HYCC2: variants seen among roughly 807,000 people sequenced by gnomAD.
HYCC2 encodes the protein hyccin 2.
the HYCC2 span, among the ~76,000 whole-genome samples, chr2:201,013,277 A>G: frequency 6.6e-6 from 1 of 152,002 alleles, no homozygotes; most frequent in Non-Finnish European, 1.5e-5. Flanking sequence ...CGAGACTAGC[A>G]TGGCCAACAA....
chr2:200,989,964 A>G, the HYCC2 span, among the ~76,000 whole-genome samples: 1 of 152,200 alleles, frequency 6.6e-6, no homozygotes, highest in Non-Finnish European at 1.5e-5. Flanking sequence ...TAGTCAAATC[A>G]CCGAGACAAC....
At chr2:201,010,280 T>A in the HYCC2 span, among the ~76,000 whole-genome samples, 1 of 152,024 alleles carries the variant, frequency 6.6e-6, no homozygotes, top group African/African-American at 2.4e-5. Flanking sequence ...CAAAACAAAG[T>A]CCCACGGAAT....
chr2:201,055,383 G>GAAA, the HYCC2 span, among the ~76,000 whole-genome samples: 4 of 93,700 alleles, frequency 4.3e-5, no homozygotes, highest in Non-Finnish European at 6.8e-5. Flanking sequence ...ATTCCATCTC[G>GAAA]AAAAAAAAAA....
the HYCC2 span, chr2:200,997,351 AT>A: frequency 3.5e-6 from 3 of 858,938 alleles, no homozygotes; most frequent in Non-Finnish European, 5.7e-6. Context: ...TACTGCTGTA[AT>A]ACCAGAAGTT....
At chr2:201,055,161 G>T in the HYCC2 span, among the ~76,000 whole-genome samples, 3 of 151,894 alleles carry the variant, frequency 2.0e-5, no homozygotes, top group Admixed American at 1.3e-4. Context: ...TGAAATATTG[G>T]CATCTTTTTT....
At chr2:201,010,311 G>A in the HYCC2 span, among the ~76,000 whole-genome samples, 1 of 152,140 alleles carries the variant, frequency 6.6e-6, no homozygotes, top group South Asian at 2.1e-4. Context: ...AATTAATAGT[G>A]CAAAGAGCTA....
the HYCC2 span, among the ~76,000 whole-genome samples, chr2:200,984,224 GA>G: frequency 6.6e-6 from 1 of 152,144 alleles, no homozygotes; most frequent in Admixed American, 6.5e-5. Context: ...ATATTTTGTA[GA>G]GATGGGGTTT....
chr2:200,985,922 G>C, the HYCC2 span, among the ~76,000 whole-genome samples: 5 of 152,146 alleles, frequency 3.3e-5, no homozygotes, highest in South Asian at 1.0e-3. Context: ...TGGAATTTCA[G>C]CAACTGTTGA....
chr2:201,017,295 T>G, the HYCC2 span: 1 of 740,488 alleles, frequency 1.4e-6, no homozygotes, highest in African/African-American at 1.8e-5. Flanking sequence ...TTCTCCACAT[T>G]TTAATTTAAC....
chr2:201,041,529 T>C, the HYCC2 span, among the ~76,000 whole-genome samples: 5 of 152,338 alleles, frequency 3.3e-5, 1 homozygote, highest in African/African-American at 1.2e-4. Flanking sequence ...CAGCAGCCTT[T>C]CTGAACCACT....
chr2:201,020,202 A>G, the HYCC2 span, among the ~76,000 whole-genome samples: 3 of 152,192 alleles, frequency 2.0e-5, no homozygotes, highest in Non-Finnish European at 4.4e-5. Flanking sequence ...AAATGGCACC[A>G]CCACCCACAT....
At chr2:201,043,432 T>TA in the HYCC2 span, among the ~76,000 whole-genome samples, 5,095 of 74,830 alleles carry the variant, frequency 0.068, 141 homozygotes, top group Middle Eastern at 0.14. Context: ...CAATAAATAC[T>TA]AAAAAAAAAA....
chr2:201,034,434 CTT>C, the HYCC2 span, among the ~76,000 whole-genome samples: 3 of 151,864 alleles, frequency 2.0e-5, no homozygotes, highest in African/African-American at 7.3e-5. Context: ...GCAACCCCTG[CTT>C]TTTTTTGTTT....
the HYCC2 span, among the ~76,000 whole-genome samples, chr2:201,007,969 T>C: frequency 2.4e-3 from 366 of 152,356 alleles, 3 homozygotes; most frequent in African/African-American, 8.5e-3. Flanking sequence ...AGATGCTTTG[T>C]GTTTGAAACC....
chr2:200,989,750 G>A, the HYCC2 span, among the ~76,000 whole-genome samples: 1 of 152,186 alleles, frequency 6.6e-6, no homozygotes, highest in African/African-American at 2.4e-5. Flanking sequence ...GAAGGTGGAT[G>A]TTACAGTGAA....
At chr2:201,026,682 A>G in the HYCC2 span, among the ~76,000 whole-genome samples, 2 of 152,226 alleles carry the variant, frequency 1.3e-5, no homozygotes, top group Non-Finnish European at 2.9e-5. Flanking sequence ...ACACAACTAC[A>G]TGGAAAGTGA....
At chr2:201,002,475 T>C in the HYCC2 span, among the ~76,000 whole-genome samples, 13 of 152,122 alleles carry the variant, frequency 8.5e-5, no homozygotes, top group Admixed American at 7.9e-4. Context: ...TTGGTATAGT[T>C]GCTTTGGCAA....
the HYCC2 span, among the ~76,000 whole-genome samples, chr2:201,026,920 C>T: frequency 4.6e-5 from 7 of 152,138 alleles, no homozygotes; most frequent in East Asian, 1.3e-3. Context: ...GAAGCAAGAG[C>T]AAATACATTC....
chr2:201,042,548 G>A, the HYCC2 span, among the ~76,000 whole-genome samples: 1 of 151,916 alleles, frequency 6.6e-6, no homozygotes, highest in South Asian at 2.1e-4. Flanking sequence ...TCTGGGAGGT[G>A]AGGAGCGTCT....
Sources: gnomAD v4.1 joint callset for allele counts (sites outside exome capture counted in the v4.1 genomes callset) on GRCh38, gnomAD v4.1.1 for gene constraint, MANE v1.5 for transcripts, NCBI Gene and HGNC (gene_info 2026-07-23, HGNC 2026-07-21) for gene names.